Variants in MACF1 observed in about 807,000 individuals in gnomAD.
The protein encoded by MACF1 is microtubule actin crosslinking factor 1.
MACF1 carries 193 observed loss-of-function variants against 854.8 expected under a neutral mutation model. The observed-to-expected ratio is 0.23, with a 90% CI of 0.20 to 0.25. MACF1 has a LOEUF of 0.25. MACF1 is among the 10% of genes least tolerant of loss of function. The pLI is 1.00. For missense variants in MACF1, 7,722 were observed against 8,929.1 expected, an observed-to-expected ratio of 0.86 and a Z score of 5.45; for synonymous variants, 3,185 against 3,226.7, an observed-to-expected ratio of 0.99 and a Z score of 0.44.
At chr1:39,386,234 AT>A (rs1371749344) in intron 57 of MACF1, among the ~76,000 whole-genome samples, 3 of 145,870 alleles carry the variant, frequency 2.1e-5, no homozygotes, top group African/African-American at 8.0e-5. Flanking sequence ...ATATACTCTC[AT>A]TGATACCCAC....
chr1:39,467,962 C>G (rs1167509484), intron 95 of MACF1: 1 of 152,018 alleles, frequency 6.6e-6, no homozygotes, highest in Admixed American at 6.6e-5. Context: ...AATTAGCATG[C>G]CAAGAATATG....
rs774214586 is a variant in MACF1, at chr1:39,292,043, G to A, written c.1914+5G>A. On this transcript the variant is annotated splice_donor_5th_base_variant and intron_variant, in intron 16 of 100. Transcript: ENST00000564288. The stretch of plus-strand genomic sequence containing the variant: ...AAGGAGGCCAGGTTGTATGAGGTGC[G>A]TAGCCTTCAGAATCCACATTACAGG... 7 of 1,613,284 alleles carry A rather than the reference G, an allele frequency of 4.3e-6. No homozygotes were observed. Among genetic ancestry groups the A allele is most frequent in the Admixed American group, 1.7e-5 (1 of 59,988 alleles).
chr1:39,344,431 CAAAA>C (rs113140732), intron 40 of MACF1, among the ~76,000 whole-genome samples: 11 of 77,984 alleles, frequency 1.4e-4, no homozygotes, highest in Non-Finnish European at 2.1e-4. Flanking sequence ...GACTCTGTCT[CAAAA>C]AAAAAAAAAA....
At chr1:39,301,049 GATT>G (rs1360597989) in intron 22 of MACF1, among the ~76,000 whole-genome samples, 1 of 152,146 alleles carries the variant, frequency 6.6e-6, no homozygotes, top group Non-Finnish European at 1.5e-5. Context: ...CTTTCACTTG[GATT>G]ATTGTGTCAG....
chr1:39,231,326 A>T, intron 2 of MACF1, 83 bp downstream of exon 2: 1 of 1,290,382 alleles, frequency 7.7e-7, no homozygotes, highest in Non-Finnish European at 1.1e-6. Context: ...CAGATGGTTT[A>T]GATTGCTTGC....
rs545194358 is a variant in MACF1, at chr1:39,114,960, G to A, written c.220+30522G>A. On this transcript the variant is annotated intron_variant, in intron 2 of 93. Transcript: ENST00000361689. Reference sequence around the variant, plus strand: ...TGGGCAGCATGAACAGAAGTAAGGGGATGAGCAAGCTTGAGAGGGGGAATA... The same window carrying A: ...TGGGCAGCATGAACAGAAGTAAGGGAATGAGCAAGCTTGAGAGGGGGAATA... Among the ~76,000 whole-genome samples, 3 of 152,272 alleles carry A rather than the reference G, an allele frequency of 2.0e-5. No individual in the cohort carries two copies. In the East Asian group the frequency reaches 5.8e-4, roughly 29 times the overall value.
At chr1:39,401,301 A>G (rs1215640982) in intron 58 of MACF1, among the ~76,000 whole-genome samples, 1 of 152,216 alleles carries the variant, frequency 6.6e-6, no homozygotes, top group Non-Finnish European at 1.5e-5. Flanking sequence ...TCAGTTGCCC[A>G]TTAGATCAGC....
chr1:39,146,384 AGT>A (rs1643463911), intron 2 of MACF1, among the ~76,000 whole-genome samples: 1 of 151,676 alleles, frequency 6.6e-6, no homozygotes. Context: ...TGAAGGTTGC[AGT>A]GAGCTGAGAT....
intron 2 of MACF1, among the ~76,000 whole-genome samples, chr1:39,130,437 A>G (rs967529): frequency 0.92 from 139,334 of 152,234 alleles, 64,869 homozygotes; most frequent in East Asian, 1. Flanking sequence ...GAATGATGTG[A>G]GTTTTGGTTT....
At chr1:39,368,530 A>G (rs1039684854) in intron 50 of MACF1, among the ~76,000 whole-genome samples, 1 of 151,672 alleles carries the variant, frequency 6.6e-6, no homozygotes, top group African/African-American at 2.4e-5. Context: ...GAGACTGAGT[A>G]TCACTCTGTC....
chr1:39,430,887 T>C lies in MACF1; in HGVS notation c.17316T>C (p.Ala5772=), dbSNP rs1643866628. The stretch of plus-strand genomic sequence containing the variant: ...GACAAAGGGTGGATGAAATTGATGC[T>C]GCTATTCAGAGATCACAACAGGTAA... ...TIGQRVDEID[A]AIQRSQQYEQ... The change falls in exon 66 of 101, where the codon GCT becomes GCC. Residue 5772 remains alanine (A), a synonymous_variant. Transcript: ENST00000564288. 6.2e-7 allele frequency: 1 copy of C among 1,612,414 alleles called. No homozygotes were observed. The highest frequency in any genetic ancestry group is 1.3e-5 in the African/African-American group (1 of 74,992).
intron 2 of MACF1, among the ~76,000 whole-genome samples, chr1:39,099,308 A>G (rs1642008888): frequency 1.3e-5 from 2 of 152,168 alleles, no homozygotes; most frequent in Admixed American, 6.5e-5. Flanking sequence ...GGTGACCACC[A>G]TCACGCCCGG....
intron 49 of MACF1, among the ~76,000 whole-genome samples, chr1:39,367,308 C>A (rs1456200588): frequency 6.6e-6 from 1 of 151,858 alleles, no homozygotes; most frequent in Non-Finnish European, 1.5e-5. Context: ...CCAATTCTTA[C>A]TCCACAGATT....
chr1:39,429,190 G>A, intron 63 of MACF1, 52 bp from the exon 64 acceptor site: 5 of 922,204 alleles, frequency 5.4e-6, no homozygotes, highest in Middle Eastern at 4.4e-4. Flanking sequence ...CTCGCATTTT[G>A]TTTCATTTGT....
Position 39,316,486 on chromosome 1 carries a change from T to C in MACF1, c.3545T>C (p.Leu1182Pro), listed in dbSNP as rs1646413795. ...EIKLSQEEVV[L>P]ADLSALEAHW... ...AAGCTGAGTCAAGAAGAAGTAGTAC[T>C]GGCAGATCTCTCAGCTCTGGAGGCC... is the stretch of plus-strand genomic sequence containing the variant. Residue 1182 changes from leucine to proline, a missense_variant, in exon 28 of 101, where the codon CTG becomes CCG. Physicochemically the swap from Leu to Pro is moderately conservative, Grantham distance 98 (BLOSUM62 -3). Transcript: ENST00000564288. 4 of 1,613,964 alleles carry C rather than the reference T, an allele frequency of 2.5e-6. No individual in the cohort carries two copies. The highest frequency in any genetic ancestry group is 2.2e-5 in the South Asian group (2 of 91,072).
At chr1:39,405,149 T>G (rs1018903318) in intron 58 of MACF1, among the ~76,000 whole-genome samples, 1 of 152,322 alleles carries the variant, frequency 6.6e-6, no homozygotes, top group Middle Eastern at 3.4e-3. Context: ...ATCAAAATCC[T>G]TAGTATCCCA....
At chr1:39,303,108 C>T in intron 23 of MACF1, 30 bp downstream of exon 23, 1 of 1,607,808 alleles carries the variant, frequency 6.2e-7, no homozygotes, top group Non-Finnish European at 8.5e-7. Context: ...ACTGGTACAC[C>T]CACCTCTGCT....
chr1:39,274,187 A>G (rs935274897), intron 6 of MACF1, among the ~76,000 whole-genome samples: 1 of 152,084 alleles, frequency 6.6e-6, no homozygotes, highest in Non-Finnish European at 1.5e-5. Flanking sequence ...GAAAATTTCC[A>G]TTTCAAATAG....
chr1:39,204,373 T>C (rs1049730378), upstream of MACF1: 1 of 152,308 alleles, frequency 6.6e-6, no homozygotes, highest in African/African-American at 2.4e-5. Context: ...GTCTGCTTCA[T>C]GGGAGCTTGC....
Sources: allele counts gnomAD v4.1 joint callset (sites outside exome capture counted in the v4.1 genomes callset), GRCh38; gene constraint gnomAD v4.1.1; transcripts MANE v1.5; gene names NCBI Gene and HGNC (gene_info 2026-07-23, HGNC 2026-07-21).